CFAP43: variants seen among roughly 807,000 people sequenced by gnomAD.
CFAP43 encodes the protein cilia- and flagella-associated protein 43.
A neutral mutation model predicts 218.9 loss-of-function variants in CFAP43; 155 were observed. The observed-to-expected ratio is 0.71, with a 90% CI of 0.62 to 0.81. The LOEUF (loss-of-function observed/expected upper bound fraction) is 0.81. Among genes scored for constraint, CFAP43 ranks in the 30% least tolerant of loss-of-function variants. CFAP43 has a pLI of 0.00. For missense variants in CFAP43, 1,778 were observed against 1,954.3 expected (o/e 0.91, Z 1.70); for synonymous variants, 645 against 681.3 (o/e 0.95, Z 0.83).
chr10:104,164,194 C>T lies in CFAP43; in HGVS notation c.3146G>A (p.Arg1049Gln), dbSNP rs1360077019. Reference protein sequence around the residue: ...ARVKERNVRIREIILDLELEE... With the variant: ...ARVKERNVRIQEIILDLELEE... ...CAATTCCAGATCTAAAATAATTTCT[C>T]GAATTCGAACATTTCTTTCCTTCAC... The change falls in exon 24 of 38, where the codon CGA becomes CAA. Residue 1049 changes from arginine to glutamine, a missense_variant. This residue lies in a region of CFAP43 where 1,553 missense variants were observed against 1,685.2 expected (regional missense o/e 0.92). Transcript: ENST00000357060. 1.1e-5 allele frequency: 17 copies of T among 1,614,002 alleles called. No homozygotes were observed. Among genetic ancestry groups the T allele is most frequent in the African/African-American group, 2.7e-5 (2 of 74,912 alleles).
At chr10:104,226,648 T>C (rs1226397011) in intron 2 of CFAP43, among the ~76,000 whole-genome samples, 1 of 152,208 alleles carries the variant, frequency 6.6e-6, no homozygotes, top group Non-Finnish European at 1.5e-5. Context: ...CTTCTGTGTT[T>C]ACTTGAAAAA....
chr10:104,161,477 T>C (rs963056650), intron 26 of CFAP43, among the ~76,000 whole-genome samples: 2 of 152,192 alleles, frequency 1.3e-5, no homozygotes, highest in Non-Finnish European at 2.9e-5. Context: ...AAGAAAATGT[T>C]TCCTGGTATA....
At chr10:104,204,665 G>A (rs186542555) in intron 7 of CFAP43, among the ~76,000 whole-genome samples, 57 of 152,236 alleles carry the variant, frequency 3.7e-4, no homozygotes, top group African/African-American at 1.2e-3. Flanking sequence ...TGACTAAATG[G>A]AGGAGGAGGA....
chr10:104,145,807 G>A (rs2087938991), intron 30 of CFAP43, among the ~76,000 whole-genome samples: 1 of 152,156 alleles, frequency 6.6e-6, no homozygotes, highest in South Asian at 2.1e-4. Context: ...AAATCATCCA[G>A]AAGTTTCCCA....
In CFAP43 at chr10:104,207,664, C is replaced by T. The variant is rs768716612; in HGVS notation, c.895+1G>A. ...GAATATGAAGTAGGACAGTTTCTTA[C>T]CCAATGGCGATTCCTCTTCTATCTT... On this transcript the variant is annotated splice_donor_variant, in intron 6 of 37. Transcript: ENST00000357060. LOFTEE classifies it high-confidence loss of function. 7.4e-6 allele frequency: 12 copies of T among 1,612,056 alleles called. No individual in the cohort carries two copies. The highest frequency in any genetic ancestry group is 1.0e-5 in the Non-Finnish European group (12 of 1,179,128).
At chr10:104,131,965 A>G in intron 36 of CFAP43, 151 bp downstream of exon 36, 1 of 500,382 alleles carries the variant, frequency 2.0e-6, no homozygotes, top group Middle Eastern at 3.9e-4. Flanking sequence ...TTGCAAAGAT[A>G]CTACTTAGGG....
At chr10:104,191,623 A>C (rs2090219458) in intron 12 of CFAP43, among the ~76,000 whole-genome samples, 1 of 152,058 alleles carries the variant, frequency 6.6e-6, no homozygotes, top group Admixed American at 6.5e-5. Flanking sequence ...TAATATTTTC[A>C]TCCCCCTACA....
Position 104,188,409 on chromosome 10 carries a change from C to T in CFAP43, c.1548G>A (p.Glu516=), listed in dbSNP as rs769576923. 11 of 1,606,418 alleles carry T rather than the reference C, an allele frequency of 6.8e-6. No homozygotes were observed. In the South Asian group the frequency reaches 1.2e-4, roughly 18 times the overall value. The change falls in exon 13 of 38, where the codon GAG becomes GAA. Residue 516 remains glutamate, a splice_region_variant and synonymous_variant. Transcript: ENST00000357060. ...SSSFQIIGFT[E]VAKDILQIST... The stretch of plus-strand genomic sequence containing the variant: ...ATATCTGTAAAATGTCTTTGGCCAC[C>T]TCTGAAAGCAAACAGAGATCAACAC...
intron 35 of CFAP43, among the ~76,000 whole-genome samples, chr10:104,133,149 T>C (rs115161494): frequency 0.011 from 1,720 of 152,214 alleles, 35 homozygotes; most frequent in African/African-American, 0.039. Flanking sequence ...GGAGTGATCG[T>C]TGAAGTTAGA....
intron 13 of CFAP43, 36 bp downstream of exon 13, chr10:104,188,234 C>T: frequency 1.2e-6 from 2 of 1,605,534 alleles, no homozygotes; most frequent in East Asian, 4.5e-5. Context: ...TGTATCTGGG[C>T]TCAGGAGCAG....
intron 34 of CFAP43, among the ~76,000 whole-genome samples, chr10:104,135,818 A>G: frequency 6.6e-6 from 1 of 152,178 alleles, no homozygotes; most frequent in East Asian, 1.9e-4. Flanking sequence ...TCACTGCCAA[A>G]ATTTCAATGG....
chr10:104,196,849 T>A lies in CFAP43; in HGVS notation c.1293+4A>T, dbSNP rs762253630. 1.2e-6 allele frequency: 2 copies of A among 1,600,952 alleles called. No homozygotes were observed. Among genetic ancestry groups the A allele is most frequent in the South Asian group, 2.3e-5 (2 of 88,662 alleles). On this transcript the variant is annotated splice_donor_region_variant and intron_variant, in intron 10 of 37. Transcript: ENST00000357060. Reference sequence around the variant, plus strand: ...TTTAAAATCCATTTATCAAGTATACTTACTAGGGTATTCAGATAAATCTTG... The same window carrying A: ...TTTAAAATCCATTTATCAAGTATACATACTAGGGTATTCAGATAAATCTTG...
At position 104,130,052 on chromosome 10, in the gene CFAP43, C is replaced by T. The variant is rs546803228; in HGVS notation, c.*87G>A. 2.8e-6 allele frequency: 4 copies of T among 1,427,520 alleles called. No homozygotes were observed. Among genetic ancestry groups the T allele is most frequent in the East Asian group, 2.5e-5 (1 of 40,812 alleles). 88.4% of individuals were successfully genotyped at this position (1,427,520 alleles called of 1,614,324 possible). A position where few individuals can be genotyped will look rare whatever the true frequency, so the allele number is the denominator to read the frequency against. On this transcript the variant is annotated 3_prime_UTR_variant, in exon 38 of 38. Coordinates refer to ENST00000357060, the MANE Select transcript of CFAP43 (RefSeq NM_025145.7). ...CAGAGGACATGCTACTTCAATTTCC[C>T]AGTAAGAAAGAAAAGGAAATCATTT... is the stretch of plus-strand genomic sequence containing the variant.
At chr10:104,203,620 GATA>G (rs1279741375) in intron 8 of CFAP43, 49 bp downstream of exon 8, 1 of 1,526,740 alleles carries the variant, frequency 6.5e-7, no homozygotes, top group Non-Finnish European at 8.8e-7. Flanking sequence ...ATGTAATGAT[GATA>G]ATAATACTAT....
chr10:104,135,270 T>A (rs1442411174), intron 34 of CFAP43, among the ~76,000 whole-genome samples: 1 of 152,132 alleles, frequency 6.6e-6, no homozygotes, highest in Non-Finnish European at 1.5e-5. Flanking sequence ...CCATCATAAC[T>A]TCATACTCAA....
chr10:104,182,524 A>G lies in CFAP43; in HGVS notation c.2142-11T>C, dbSNP rs981818667. 6.4e-7 allele frequency: 1 copy of G among 1,563,714 alleles called. No individual in the cohort carries two copies. Among genetic ancestry groups the G allele is most frequent in the African/African-American group, 1.4e-5 (1 of 71,816 alleles). On this transcript the variant is annotated splice_polypyrimidine_tract_variant and intron_variant, in intron 16 of 37. Coordinates refer to ENST00000357060, the MANE Select transcript of CFAP43 (RefSeq NM_025145.7). The stretch of plus-strand genomic sequence containing the variant: ...TGTCCTCCAAATCGCCTATATTAAT[A>G]AAAAAGAAAACACAGAGGCTATAAA...
chr10:104,158,921 C>T lies in CFAP43; in HGVS notation c.3540+2116G>A, dbSNP rs548637543. 3.2e-4 allele frequency among the ~76,000 whole-genome samples: 49 copies of T among 151,782 alleles called. 2 individuals carry two copies. In the South Asian group the frequency reaches 5.6e-3, roughly 17 times the overall value. The stretch of plus-strand genomic sequence containing the variant: ...ATATACAATATATATATAACATATA[C>T]GTAATATATATGCCATTGGTACAAA... On this transcript the variant is annotated intron_variant, in intron 27 of 37. Transcript: ENST00000357060.
chr10:104,222,979 T>C (rs2091222507), intron 3 of CFAP43, among the ~76,000 whole-genome samples: 1 of 152,242 alleles, frequency 6.6e-6, no homozygotes, highest in Non-Finnish European at 1.5e-5. Context: ...CTTTTTAGCT[T>C]TGCAGACCAT....
In CFAP43 at chr10:104,179,174, A is replaced by C; in HGVS notation, c.2383-68T>G. ...ATCAGACAGAGAGAGAGAGAGAGAGAGAGAGAGCAATTCTCTAGAAACAGA... is the reference window on the plus strand; with the variant it reads ...ATCAGACAGAGAGAGAGAGAGAGAGCGAGAGAGCAATTCTCTAGAAACAGA... On this transcript the variant is annotated intron_variant, in intron 18 of 37. Coordinates refer to ENST00000357060, the MANE Select transcript of CFAP43 (RefSeq NM_025145.7). 11 of 1,366,042 alleles carry C rather than the reference A, an allele frequency of 8.1e-6. No homozygotes were observed. In the South Asian group the frequency reaches 1.4e-4, roughly 17 times the overall value. The allele number at this position is 1,366,042 out of a possible 1,614,324, so 84.6% of individuals were successfully genotyped here.
Sources: allele counts gnomAD v4.1 joint callset (sites outside exome capture counted in the v4.1 genomes callset), GRCh38; gene constraint gnomAD v4.1.1; regional missense constraint gnomAD v4.1.1; transcripts MANE v1.5; gene names NCBI Gene and HGNC (gene_info 2026-07-23, HGNC 2026-07-21).